The following MLST8 variants were observed in gnomAD, a reference collection of about 807,000 sequenced individuals.
MLST8 encodes the protein target of rapamycin complex subunit LST8.
MLST8 carries 20 observed loss-of-function variants against 41.3 expected under a neutral mutation model. That is an observed-to-expected ratio of 0.48 (90% CI 0.34 to 0.70). The LOEUF is 0.70. Among genes scored for constraint, MLST8 ranks in the 30% least tolerant of loss-of-function variants. The pLI is 0.01. For synonymous variants in MLST8, 243 were observed against 183.0 expected, an observed-to-expected ratio of 1.33 and a Z score of -2.65; for missense variants, 422 against 454.3, an observed-to-expected ratio of 0.93 and a Z score of 0.65.
At chr16:2,206,748 G>A (rs1244483098) in intron 4 of MLST8, 89 bp downstream of exon 4, 2 of 1,458,958 alleles carry the variant, frequency 1.4e-6, no homozygotes, top group African/African-American at 2.8e-5. Flanking sequence ...AGCAGAGGCT[G>A]AGACAGGGAG....
At chr16:2,206,882 G>A in intron 4 of MLST8, 153 bp from the exon 5 acceptor site, 3 of 1,150,212 alleles carry the variant, frequency 2.6e-6, no homozygotes, top group Non-Finnish European at 2.6e-6. Flanking sequence ...ACTGGCTTAG[G>A]CTCCCTGCTG....
Position 2,206,151 on chromosome 16 carries a change from C to T in MLST8, c.66C>T (p.His22=). 1 of 1,612,118 alleles carries T rather than the reference C, an allele frequency of 6.2e-7. No individual in the cohort carries two copies. The highest frequency in any genetic ancestry group is 1.3e-5 in the African/African-American group (1 of 75,050). Reference sequence around the variant, plus strand: ...TCCTGGCCACTGCAGGCTACGACCACACCGTGCGCTTCTGGCAGGCCCACA... The same window carrying T: ...TCCTGGCCACTGCAGGCTACGACCATACCGTGCGCTTCTGGCAGGCCCACA... ...PVILATAGYD[H]TVRFWQAHSG... Residue 22 remains histidine (H), a synonymous_variant, in exon 2 of 9, where the codon CAC becomes CAT. Coordinates refer to ENST00000569417, the MANE Select transcript of MLST8 (RefSeq NM_022372.6).
At position 2,209,397 on chromosome 16, in the gene MLST8, A is replaced by C; in HGVS notation, c.*520A>C. The C allele has an allele frequency of 6.2e-7, 1 of 1,613,792 alleles. No individual in the cohort carries two copies. The highest frequency in any genetic ancestry group is 8.5e-7 in the Non-Finnish European group (1 of 1,179,946). ...AGGTAATAAAAGCAGACCGACACGCAGATGTTGCTCGGGAAGCAGATGTCG... is the reference window on the plus strand; with the variant it reads ...AGGTAATAAAAGCAGACCGACACGCCGATGTTGCTCGGGAAGCAGATGTCG... On this transcript the variant is annotated 3_prime_UTR_variant, in exon 9 of 9. Coordinates refer to ENST00000569417, the MANE Select transcript of MLST8 (RefSeq NM_022372.6).
rs781449247 is a variant in MLST8 at position 2,206,377 on chromosome 16, T to C, written c.149T>C (p.Val50Ala). The C allele has an allele frequency of 8.1e-6, 13 of 1,614,028 alleles. No homozygotes were observed. The highest frequency in any genetic ancestry group is 6.6e-5 in the South Asian group (6 of 91,084). Residue 50 changes from valine (V) to alanine (A), a missense_variant, in exon 3 of 9, where the codon GTC becomes GCC. Val to Ala is a moderately conservative substitution (Grantham distance 64). Coordinates refer to ENST00000569417, the MANE Select transcript of MLST8 (RefSeq NM_022372.6). ...HQDSQVNALE[V>A]TPDRSMIAAA... The stretch of plus-strand genomic sequence containing the variant: ...TCCCAGCAGGTGAATGCCTTGGAGG[T>C]CACACCGGACCGCAGCATGATTGCT...
Position 2,205,898 on chromosome 16 carries a change from C to G in MLST8, c.-55-133C>G, listed in dbSNP as rs778587221. On this transcript the variant is annotated intron_variant, in intron 1 of 8. Transcript: ENST00000569417. ...CAGGTATCACGCGTGTGACGCGTGT[C>G]CCTGAACCTACCTGCGCTTCTTGTC... 7 of 1,433,056 alleles carry G rather than the reference C, an allele frequency of 4.9e-6. No individual in the cohort carries two copies. In the African/African-American group the frequency reaches 7.1e-5, roughly 15 times the overall value. The allele number at this position is 1,433,056 out of a possible 1,614,324, so 88.8% of individuals were successfully genotyped here.
chr16:2,207,937 C>A, intron 6 of MLST8: 1 of 376,742 alleles, frequency 2.7e-6, no homozygotes, highest in East Asian at 4.6e-5. Flanking sequence ...TGCCCTTCTC[C>A]TGTCTACTTC....
At position 2,206,146 on chromosome 16, in the gene MLST8, G is replaced by C; in HGVS notation, c.61G>C (p.Asp21His). The stretch of plus-strand genomic sequence containing the variant: ...GGTCATCCTGGCCACTGCAGGCTAC[G>C]ACCACACCGTGCGCTTCTGGCAGGC... ...DPVILATAGY[D>H]HTVRFWQAHS... The change falls in exon 2 of 9, where the codon GAC (aspartate) becomes CAC (histidine). Residue 21 changes from aspartate to histidine, a missense_variant. By Grantham distance (81) the Asp-to-His change is moderately conservative. Transcript: ENST00000569417. The C allele has an allele frequency of 6.2e-7, 1 of 1,612,062 alleles. No individual in the cohort carries two copies. Among genetic ancestry groups the C allele is most frequent in the Non-Finnish European group, 8.5e-7 (1 of 1,179,510 alleles).
rs202049268 is a variant in MLST8, at chr16:2,206,581, C to T, written c.266C>T (p.Ala89Val). Reference protein sequence around the residue: ...ISYDGVNKNIASVGFHEDGRW... With the variant: ...ISYDGVNKNIVSVGFHEDGRW... Reference sequence around the variant, plus strand: ...TACGACGGCGTCAACAAGAACATCGCGTCTGTGGGCTTCCACGAAGACGGC... The same window carrying T: ...TACGACGGCGTCAACAAGAACATCGTGTCTGTGGGCTTCCACGAAGACGGC... The change falls in exon 4 of 9, where the codon GCG (alanine) becomes GTG (valine). Residue 89 changes from alanine to valine, a missense_variant. Coordinates refer to ENST00000569417, the MANE Select transcript of MLST8 (RefSeq NM_022372.6). 5.7e-4 allele frequency: 928 copies of T among 1,613,916 alleles called. 1 individual carries two copies. The highest frequency in any genetic ancestry group is 7.2e-4 in the Non-Finnish European group (847 of 1,180,018).
rs1349459571 is a variant in MLST8, at chr16:2,209,074, G to A, written c.*197G>A. ...TGCTTATCCAGATGTGACAGAGCTC[G>A]ACCCAAGCCAGGCTGCACACTCCTG... On this transcript the variant is annotated 3_prime_UTR_variant, in exon 9 of 9. Coordinates refer to ENST00000569417, the MANE Select transcript of MLST8 (RefSeq NM_022372.6). 1 of 669,240 alleles carries A rather than the reference G, an allele frequency of 1.5e-6. No homozygotes were observed. Among genetic ancestry groups the A allele is most frequent in the Non-Finnish European group, 2.6e-6 (1 of 391,994 alleles). The allele number at this position is 669,240 out of a possible 1,614,324, so 41.5% of individuals were successfully genotyped here.
rs1351986756 is a variant in MLST8 at position 2,208,923 on chromosome 16, G to A, written c.*46G>A. The stretch of plus-strand genomic sequence containing the variant: ...CCTGGTGCAGGTGGTGGCAGCTGGA[G>A]GGACCCATGCAGCACCCAGGTCAGA... On this transcript the variant is annotated 3_prime_UTR_variant, in exon 9 of 9. Coordinates refer to ENST00000569417, the MANE Select transcript of MLST8 (RefSeq NM_022372.6). 1 of 1,596,274 alleles carries A rather than the reference G, an allele frequency of 6.3e-7. No individual in the cohort carries two copies. Among genetic ancestry groups the A allele is most frequent in the African/African-American group, 1.3e-5 (1 of 74,690 alleles).
At position 2,208,871 on chromosome 16, in the gene MLST8, G is replaced by A. The variant is rs777272969; in HGVS notation, c.975G>A (p.Leu325=). 21 of 1,613,260 alleles carry A rather than the reference G, an allele frequency of 1.3e-5. No individual in the cohort carries two copies. The highest frequency in any genetic ancestry group is 2.2e-5 in the East Asian group (1 of 44,876). Residue 325 remains leucine (L), a synonymous_variant, in exon 9 of 9, where the codon CTG becomes CTA. Transcript: ENST00000569417. ...GCCTGGCCTTCAATGACAGTGTGCTGGGCTAGCCTGTGACCCCTCGGGACT... is the reference window on the plus strand; with the variant it reads ...GCCTGGCCTTCAATGACAGTGTGCTAGGCTAGCCTGTGACCCCTCGGGACT... ...VVCLAFNDSV[L]G
chr16:2,209,344 C>G lies in MLST8; in HGVS notation c.*467C>G. ...CCCACTGGATTGGGGACGGGCCAGG[C>G]TGGGCCAGGTCGGGGGCTCAGTCTG... is the stretch of plus-strand genomic sequence containing the variant. On this transcript the variant is annotated 3_prime_UTR_variant, in exon 9 of 9. Transcript: ENST00000569417. 1.9e-6 allele frequency: 3 copies of G among 1,603,974 alleles called. 1 individual carries two copies. The highest frequency in any genetic ancestry group is 2.2e-5 in the South Asian group (2 of 90,414).
In MLST8 at chr16:2,209,381, A is replaced by G; in HGVS notation, c.*504A>G. The G allele has an allele frequency of 6.2e-7, 1 of 1,613,484 alleles. No individual in the cohort carries two copies. Among genetic ancestry groups the G allele is most frequent in the Non-Finnish European group, 8.5e-7 (1 of 1,179,722 alleles). ...GGGGGCTCAGTCTGGGAGGTAATAAAAGCAGACCGACACGCAGATGTTGCT... is the reference window on the plus strand; with the variant it reads ...GGGGGCTCAGTCTGGGAGGTAATAAGAGCAGACCGACACGCAGATGTTGCT... On this transcript the variant is annotated 3_prime_UTR_variant, in exon 9 of 9. Coordinates refer to ENST00000569417, the MANE Select transcript of MLST8 (RefSeq NM_022372.6).
In MLST8 at chr16:2,206,209, G is replaced by T; in HGVS notation, c.124G>T (p.Asp42Tyr). ...GICTRTVQHQ[D>Y]SQVNALEVTP... ...CTGCACCCGGACGGTGCAGCACCAGGACTCCGTATCCTCCACCCGGGGCGG... is the reference window on the plus strand; with the variant it reads ...CTGCACCCGGACGGTGCAGCACCAGTACTCCGTATCCTCCACCCGGGGCGG... Residue 42 changes from aspartate to tyrosine, a missense_variant, in exon 2 of 9, where the codon GAC becomes TAC. Physicochemically the swap from Asp to Tyr is radical, Grantham distance 160. Coordinates refer to ENST00000569417, the MANE Select transcript of MLST8 (RefSeq NM_022372.6). 6.2e-7 allele frequency: 1 copy of T among 1,607,726 alleles called. No individual in the cohort carries two copies. Among genetic ancestry groups the T allele is most frequent in the South Asian group, 1.1e-5 (1 of 90,874 alleles).
rs749626779 is a variant in MLST8, at chr16:2,207,021, G to T, written c.345-14G>T. On this transcript the variant is annotated splice_polypyrimidine_tract_variant and intron_variant, in intron 4 of 8. Coordinates refer to ENST00000569417, the MANE Select transcript of MLST8 (RefSeq NM_022372.6). ...AGCCCAGATGGACAGCATGTGCCCC[G>T]GCCCGGCCCGCAGGTCCCGGAACCT... 9.9e-6 allele frequency: 16 copies of T among 1,612,394 alleles called. No individual in the cohort carries two copies. Among genetic ancestry groups the T allele is most frequent in the African/African-American group, 1.3e-5 (1 of 74,922 alleles).
rs201698211 is a variant in MLST8 at position 2,208,616 on chromosome 16, G to C, written c.862+3G>C. The C allele has an allele frequency of 1.7e-5, 27 of 1,612,142 alleles. No homozygotes were observed. The highest frequency in any genetic ancestry group is 3.3e-4 in the Middle Eastern group (2 of 6,054). ...GGACTCCCAGTACATCGTCACTGGT[G>C]AGCCCCGCCCTGGCCTCCCCCATCC... is the stretch of plus-strand genomic sequence containing the variant. On this transcript the variant is annotated splice_donor_region_variant and intron_variant, in intron 8 of 8. Coordinates refer to ENST00000569417, the MANE Select transcript of MLST8 (RefSeq NM_022372.6).
At position 2,209,180 on chromosome 16, in the gene MLST8, C is replaced by G. The variant is rs2093356427; in HGVS notation, c.*303C>G. On this transcript the variant is annotated 3_prime_UTR_variant, in exon 9 of 9. Coordinates refer to ENST00000569417, the MANE Select transcript of MLST8 (RefSeq NM_022372.6). ...GGGGTCTGAGGCTGGTGCCCACCCC[C>G]AAGCTAGTGTGTTCTCTGCCCCTCC... is the stretch of plus-strand genomic sequence containing the variant. 1.5e-6 allele frequency: 1 copy of G among 679,456 alleles called. No homozygotes were observed. Among genetic ancestry groups the G allele is most frequent in the Non-Finnish European group, 2.5e-6 (1 of 407,164 alleles). 42.1% of individuals were successfully genotyped at this position (679,456 alleles called of 1,614,324 possible). A position where few individuals can be genotyped will look rare whatever the true frequency, so the allele number is the denominator to read the frequency against.
Position 2,209,168 on chromosome 16 carries a change from G to C in MLST8, c.*291G>C. ...CAAAGCTGCTGAGGGGTCTGAGGCT[G>C]GTGCCCACCCCCAAGCTAGTGTGTT... is the stretch of plus-strand genomic sequence containing the variant. On this transcript the variant is annotated 3_prime_UTR_variant, in exon 9 of 9. Transcript: ENST00000569417. 3 of 658,264 alleles carry C rather than the reference G, an allele frequency of 4.6e-6. No homozygotes were observed. Among genetic ancestry groups the C allele is most frequent in the East Asian group, 5.5e-5 (2 of 36,658 alleles). 40.8% of individuals were successfully genotyped at this position (658,264 alleles called of 1,614,324 possible).
intron 6 of MLST8, chr16:2,207,770 T>G (rs1169252480): frequency 5.0e-5 from 12 of 241,346 alleles, no homozygotes; most frequent in Non-Finnish European, 3.2e-5. Context: ...GACCCGGGGC[T>G]GCTGGCCTCG....
Sources: allele counts gnomAD v4.1 joint callset, GRCh38; gene constraint gnomAD v4.1.1; transcripts MANE v1.5; gene names NCBI Gene and HGNC (gene_info 2026-07-23, HGNC 2026-07-21).